SRBD1: variants seen among roughly 807,000 people sequenced by gnomAD.
SRBD1 encodes the protein S1 RNA binding domain 1.
Under a neutral mutation model 115.3 loss-of-function variants are expected in SRBD1, and 88 were observed. The ratio of observed to expected loss-of-function variants is 0.76; its 90% confidence interval spans 0.64 to 0.91. The LOEUF (loss-of-function observed/expected upper bound fraction) is 0.91, where lower values mean the gene tolerates loss of function less well. SRBD1 is among the 40% of genes least tolerant of loss of function. The probability of loss-of-function intolerance (pLI) is 0.00; values close to 1 mark genes in which losing one functional copy is unlikely to be tolerated. For missense variants in SRBD1, 1,385 were observed against 1,177.4 expected (o/e 1.18, Z -2.58); for synonymous variants, 509 against 407.7 (o/e 1.25, Z -2.99).
At chr2:45,511,106 C>A (rs1029979969) in intron 14 of SRBD1, among the ~76,000 whole-genome samples, 2 of 152,322 alleles carry the variant, frequency 1.3e-5, no homozygotes, top group South Asian at 4.1e-4. Context: ...TCCCTTAGCA[C>A]AATAACCGAC....
intron 16 of SRBD1, among the ~76,000 whole-genome samples, chr2:45,443,578 A>C (rs561260758): frequency 6.6e-6 from 1 of 152,160 alleles, no homozygotes; most frequent in Non-Finnish European, 1.5e-5. Context: ...TTTGGAGTTC[A>C]GGGACGAGAT....
intron 14 of SRBD1, among the ~76,000 whole-genome samples, chr2:45,510,302 T>C (rs994215768): frequency 3.3e-5 from 5 of 152,218 alleles, no homozygotes; most frequent in African/African-American, 1.2e-4. Context: ...TGGGAAGGGA[T>C]ATTTTTAAAA....
At chr2:45,453,311 A>T (rs1669053609) in intron 16 of SRBD1, among the ~76,000 whole-genome samples, 1 of 151,704 alleles carries the variant, frequency 6.6e-6, no homozygotes, top group South Asian at 2.1e-4. Context: ...AAGGAAAGAA[A>T]GACTCCACTA....
intron 9 of SRBD1, among the ~76,000 whole-genome samples, chr2:45,566,871 A>T (rs964814388): frequency 6.6e-6 from 1 of 152,084 alleles, no homozygotes; most frequent in East Asian, 1.9e-4. Context: ...TCACTTCAAC[A>T]TATATTCAGA....
intron 19 of SRBD1, among the ~76,000 whole-genome samples, chr2:45,410,959 T>C (rs1042116327): frequency 2.6e-5 from 4 of 152,180 alleles, no homozygotes; most frequent in African/African-American, 9.7e-5. Context: ...TCCTTTGTAA[T>C]ATCCTTTATA....
At chr2:45,551,308 G>C (rs994035556) in intron 11 of SRBD1, 26 bp from the exon 12 acceptor site, 1 of 1,572,656 alleles carries the variant, frequency 6.4e-7, no homozygotes, top group Non-Finnish European at 8.6e-7. Flanking sequence ...AAAAGAAAAA[G>C]TTTTTCATTC....
intron 10 of SRBD1, among the ~76,000 whole-genome samples, chr2:45,560,290 A>C (rs1423588608): frequency 6.6e-6 from 1 of 152,210 alleles, no homozygotes; most frequent in African/African-American, 2.4e-5. Context: ...GTCTAAAGAT[A>C]ATAAATAGGT....
In SRBD1 at chr2:45,393,198, T is replaced by A. The variant is rs899723765; in HGVS notation, c.2514-69A>T. ...TCCTTTTGCAATCTCCTTATACAGA[T>A]CACCCTAAAATTCATTCATCTTAGA... On this transcript the variant is annotated intron_variant, in intron 19 of 20. Coordinates refer to ENST00000263736, the MANE Select transcript of SRBD1 (RefSeq NM_018079.5). The A allele has an allele frequency of 2.8e-6, 4 of 1,451,608 alleles. No individual in the cohort carries two copies. In the Admixed American group the frequency reaches 9.5e-5, roughly 34 times the overall value. The allele number at this position is 1,451,608 out of a possible 1,614,324, so 89.9% of individuals were successfully genotyped here. A position where few individuals can be genotyped will look rare whatever the true frequency, so the allele number is the denominator to read the frequency against.
intron 1 of SRBD1, among the ~76,000 whole-genome samples, chr2:45,608,011 A>G (rs1475403333): frequency 6.6e-6 from 1 of 152,180 alleles, no homozygotes; most frequent in Admixed American, 6.5e-5. Flanking sequence ...TCACCTTACA[A>G]TCACTCCTAC....
chr2:45,408,432 G>T, intron 19 of SRBD1, among the ~76,000 whole-genome samples: 1 of 152,212 alleles, frequency 6.6e-6, no homozygotes, highest in East Asian at 1.9e-4. Context: ...GACTGCAACA[G>T]AAGAAATTTC....
At chr2:45,496,209 G>A (rs1376677140) in intron 14 of SRBD1, among the ~76,000 whole-genome samples, 1 of 152,150 alleles carries the variant, frequency 6.6e-6, no homozygotes, top group African/African-American at 2.4e-5. Flanking sequence ...AAATGCATCT[G>A]TGGGAGTTTG....
chr2:45,482,357 C>T (rs1353421045), intron 15 of SRBD1, among the ~76,000 whole-genome samples: 2 of 151,894 alleles, frequency 1.3e-5, no homozygotes, highest in Non-Finnish European at 2.9e-5. Flanking sequence ...GAAAAAATAA[C>T]AGAACTAATA....
intron 4 of SRBD1, 62 bp downstream of exon 4, chr2:45,599,387 C>T (rs910320133): frequency 6.4e-7 from 1 of 1,564,438 alleles, no homozygotes; most frequent in Admixed American, 1.8e-5. Context: ...AGTACAACCC[C>T]TATGCTAGTC....
intron 16 of SRBD1, among the ~76,000 whole-genome samples, chr2:45,432,563 T>G (rs964826450): frequency 6.6e-6 from 1 of 152,198 alleles, no homozygotes; most frequent in African/African-American, 2.4e-5. Context: ...CCATTTAGAT[T>G]TGCTGAAAGC....
At chr2:45,590,576 G>A (rs1025736668) in intron 4 of SRBD1, among the ~76,000 whole-genome samples, 3 of 152,152 alleles carry the variant, frequency 2.0e-5, no homozygotes, top group African/African-American at 4.8e-5. Flanking sequence ...AGTCTTACAA[G>A]ATATAATGGT....
chr2:45,513,511 A>G (rs1671032619), intron 14 of SRBD1, among the ~76,000 whole-genome samples: 2 of 152,156 alleles, frequency 1.3e-5, no homozygotes, highest in African/African-American at 4.8e-5. Flanking sequence ...TCTAAAGTGC[A>G]TAAAAGTTGA....
rs752964846 is a variant in SRBD1 at position 45,553,610 on chromosome 2, A to C, written c.1517+13T>G. The C allele has an allele frequency of 3.3e-6, 5 of 1,536,792 alleles. No individual in the cohort carries two copies. Among genetic ancestry groups the C allele is most frequent in the Non-Finnish European group, 4.4e-6 (5 of 1,136,706 alleles). Reference sequence around the variant, plus strand: ...TAATCAGTACACAAAATTAAACAAGACAAGATATATACCTGAATTCTCTAC... The same window carrying C: ...TAATCAGTACACAAAATTAAACAAGCCAAGATATATACCTGAATTCTCTAC... On this transcript the variant is annotated intron_variant, in intron 11 of 20. Transcript: ENST00000263736.
chr2:45,607,789 T>C (rs2344661), intron 1 of SRBD1, among the ~76,000 whole-genome samples: 105,304 of 151,904 alleles, frequency 0.69, 38,398 homozygotes, highest in Non-Finnish European at 0.83. Context: ...GTTTATTCTC[T>C]GGAGAAGGTA....
At chr2:45,563,232 A>T (rs1366732089) in intron 9 of SRBD1, among the ~76,000 whole-genome samples, 1 of 152,172 alleles carries the variant, frequency 6.6e-6, no homozygotes, top group Admixed American at 6.5e-5. Flanking sequence ...AGTAATCCTT[A>T]GAGTCACCAG....
Sources: gnomAD v4.1 joint callset for allele counts (sites outside exome capture counted in the v4.1 genomes callset) on GRCh38, gnomAD v4.1.1 for gene constraint, MANE v1.5 for transcripts, NCBI Gene and HGNC (gene_info 2026-07-23, HGNC 2026-07-21) for gene names.